The following SNTG2 variants were observed in gnomAD, a reference collection of about 807,000 sequenced individuals.
SNTG2 encodes syntrophin gamma 2.
A neutral mutation model predicts 70.9 loss-of-function variants in SNTG2; 74 were observed. The ratio of observed to expected loss-of-function variants is 1.04; its 90% confidence interval spans 0.86 to 1.27. SNTG2 has a LOEUF of 1.27. SNTG2 is among the 50% of genes most tolerant of loss of function. The pLI is 0.00. For synonymous variants in SNTG2, 278 were observed against 273.8 expected (o/e 1.02, Z -0.15); for missense variants, 717 against 690.7 (o/e 1.04, Z -0.43).
chr2:1,080,514 CTG>C (rs1558375813), intron 1 of SNTG2, among the ~76,000 whole-genome samples: 1 of 151,652 alleles, frequency 6.6e-6, no homozygotes, highest in African/African-American at 2.4e-5. Context: ...TTGTGTGTGT[CTG>C]TGTGCCCGTG....
rs756343477 is a variant in SNTG2 at position 1,098,356 on chromosome 2, G to C, written c.271G>C (p.Gly91Arg). 37 of 1,613,862 alleles carry C rather than the reference G, an allele frequency of 2.3e-5. No homozygotes were observed. Among genetic ancestry groups the C allele is most frequent in the Non-Finnish European group, 3.0e-5 (35 of 1,179,900 alleles). The change falls in exon 4 of 17, where the codon GGT becomes CGT. Residue 91 changes from glycine (G) to arginine (R), a missense_variant. By Grantham distance (125) the Gly-to-Arg change is moderately radical. Coordinates refer to ENST00000308624, the MANE Select transcript of SNTG2 (RefSeq NM_018968.4). ...VGGLGLSIKG[G>R]SEHNVPVVIS... ...TTCTGATGGCTTTGTCTTTCAGGGA[G>C]GTTCTGAGCACAACGTCCCTGTCGT...
At chr2:1,130,891 G>C (rs1014911504) in intron 4 of SNTG2, among the ~76,000 whole-genome samples, 1 of 152,140 alleles carries the variant, frequency 6.6e-6, no homozygotes, top group Non-Finnish European at 1.5e-5. Flanking sequence ...AGTTTCATTC[G>C]CCGCAGATAG....
rs199705888 is a variant in SNTG2 at position 1,122,027 on chromosome 2, G to GA, written c.326-15590dup. Among the ~76,000 whole-genome samples the GA allele has an allele frequency of 9.7e-3, 1,472 of 152,152 alleles. 18 individuals are homozygous for GA. The highest frequency in any genetic ancestry group is 0.034 in the African/African-American group (1,407 of 41,496). On this transcript the variant is annotated intron_variant, in intron 4 of 16. Transcript: ENST00000308624. Reference sequence around the variant, plus strand: ...CCTAGAGGAAATGGTTAAATTTGTGGAAAAATACAACCTGCCAAGTTTGAG... The same window carrying GA: ...CCTAGAGGAAATGGTTAAATTTGTGGAAAAAATACAACCTGCCAAGTTTGAG...
intron 16 of SNTG2, among the ~76,000 whole-genome samples, chr2:1,350,024 A>C (rs893253103): frequency 6.6e-6 from 1 of 152,184 alleles, no homozygotes; most frequent in African/African-American, 2.4e-5. Flanking sequence ...TAAAATTTTA[A>C]TGTTTTTAAA....
At chr2:1,089,258 T>C (rs1339065810) in intron 2 of SNTG2, among the ~76,000 whole-genome samples, 3 of 152,238 alleles carry the variant, frequency 2.0e-5, no homozygotes, top group Non-Finnish European at 4.4e-5. Flanking sequence ...TATTTAATGG[T>C]ACCCAGAATA....
intron 14 of SNTG2, among the ~76,000 whole-genome samples, chr2:1,290,317 C>CTT (rs34782770): frequency 3.0e-4 from 44 of 144,456 alleles, no homozygotes; most frequent in Non-Finnish European, 3.8e-4. Flanking sequence ...GTTCTACATC[C>CTT]TTTTTTTTTT....
intron 16 of SNTG2, among the ~76,000 whole-genome samples, chr2:1,357,447 A>T (rs1660912034): frequency 1.3e-5 from 2 of 152,152 alleles, no homozygotes; most frequent in African/African-American, 4.8e-5. Context: ...ATATTTGTAG[A>T]ATATGATCCT....
chr2:1,161,822 C>T (rs1203282983), intron 6 of SNTG2, among the ~76,000 whole-genome samples: 2 of 152,246 alleles, frequency 1.3e-5, no homozygotes, highest in East Asian at 3.9e-4. Flanking sequence ...CGCCTGTAAT[C>T]CCAGCAGTTT....
intron 13 of SNTG2, 123 bp downstream of exon 13, chr2:1,259,564 A>T (rs1021531423): frequency 2.5e-6 from 2 of 800,574 alleles, no homozygotes; most frequent in Non-Finnish European, 4.1e-6. Context: ...TAGTAAAATA[A>T]TGTGACGATC....
chr2:1,192,703 T>TA (rs1360064754), intron 8 of SNTG2, among the ~76,000 whole-genome samples: 1 of 152,104 alleles, frequency 6.6e-6, no homozygotes, highest in Non-Finnish European at 1.5e-5. Flanking sequence ...AGGGAAAACA[T>TA]ACTAAGGTGA....
intron 9 of SNTG2, among the ~76,000 whole-genome samples, chr2:1,209,760 T>C (rs1673913683): frequency 6.6e-6 from 1 of 152,254 alleles, no homozygotes; most frequent in Non-Finnish European, 1.5e-5. Flanking sequence ...GAAAAATGTA[T>C]GCTTGGCTAA....
At chr2:1,093,044 C>T (rs934574474) in intron 2 of SNTG2, among the ~76,000 whole-genome samples, 3 of 152,190 alleles carry the variant, frequency 2.0e-5, no homozygotes, top group Admixed American at 6.5e-5. Flanking sequence ...ATGATACATT[C>T]GATTGTATTC....
intron 9 of SNTG2, among the ~76,000 whole-genome samples, chr2:1,218,933 G>A (rs1185939446): frequency 6.6e-6 from 1 of 152,184 alleles, no homozygotes; most frequent in East Asian, 1.9e-4. Flanking sequence ...GTTTAAAGGA[G>A]GTTTGAAGCA....
chr2:1,271,290 C>A (rs1044765084), intron 14 of SNTG2, among the ~76,000 whole-genome samples: 4 of 152,098 alleles, frequency 2.6e-5, no homozygotes, highest in Non-Finnish European at 4.4e-5. Flanking sequence ...TTTACACATA[C>A]TCAAGTATAT....
intron 8 of SNTG2, among the ~76,000 whole-genome samples, chr2:1,204,719 T>A (rs2147978834): frequency 6.6e-6 from 1 of 152,332 alleles, no homozygotes; most frequent in East Asian, 1.9e-4. Context: ...TTAGCAGTTG[T>A]TAATCTCTTA....
intron 4 of SNTG2, among the ~76,000 whole-genome samples, chr2:1,130,561 T>C (rs892100520): frequency 2.0e-5 from 3 of 152,206 alleles, no homozygotes; most frequent in Admixed American, 1.3e-4. Context: ...GGGAACTCCA[T>C]CTAGATGGCT....
intron 1 of SNTG2, among the ~76,000 whole-genome samples, chr2:966,935 A>G (rs999691383): frequency 6.6e-6 from 1 of 151,398 alleles, no homozygotes; most frequent in African/African-American, 2.4e-5. Context: ...CGACAGAGCA[A>G]GACTCTGTCT....
chr2:1,236,040 G>A (rs527768314), intron 9 of SNTG2, among the ~76,000 whole-genome samples: 14 of 152,182 alleles, frequency 9.2e-5, no homozygotes, highest in Admixed American at 2.6e-4. Context: ...CTTGGCTGTC[G>A]TCCGCAATAA....
At chr2:1,277,659 C>T (rs930093067) in intron 14 of SNTG2, among the ~76,000 whole-genome samples, 8 of 152,196 alleles carry the variant, frequency 5.3e-5, no homozygotes, top group African/African-American at 1.9e-4. Context: ...CTGTGAATTT[C>T]AACATGAGTT....
Sources: gnomAD v4.1 joint callset for allele counts (sites outside exome capture counted in the v4.1 genomes callset) on GRCh38, gnomAD v4.1.1 for gene constraint, MANE v1.5 for transcripts, NCBI Gene and HGNC (gene_info 2026-07-23, HGNC 2026-07-21) for gene names.